Variants in TMSB15B observed in about 807,000 individuals in gnomAD.
TMSB15B encodes the protein thymosin beta-15B.
At chrX:103,948,050 G>A (rs2075029948) in intron 1 of TMSB15B, among the ~76,000 whole-genome samples, 1 of 111,182 alleles carries the variant, frequency 9.0e-6, no homozygotes, top group Non-Finnish European at 1.9e-5. Flanking sequence ...GGAGCGGGGG[G>A]CAAGGGGAGG....
chrX:103,933,834 CTTT>C (rs371065088), intron 1 of TMSB15B, among the ~76,000 whole-genome samples: 1 of 97,243 alleles, frequency 1.0e-5, no homozygotes. Context: ...CTTTTTCTCT[CTTT>C]TTTTTTTTTT....
chrX:103,919,661 G>A (rs1267543388), intron 1 of TMSB15B: 1 of 112,221 alleles, frequency 8.9e-6, no homozygotes, highest in Non-Finnish European at 1.9e-5. Context: ...TATTCTGTTA[G>A]ATTAAGGGAT....
chrX:103,942,413 G>T (rs1556325667), intron 1 of TMSB15B, among the ~76,000 whole-genome samples: 1 of 111,587 alleles, frequency 9.0e-6, no homozygotes, highest in African/African-American at 3.3e-5. Context: ...CAAATATCAA[G>T]TGTTCATATA....
chrX:103,925,412 T>G (rs1408021025), intron 1 of TMSB15B, among the ~76,000 whole-genome samples: 1 of 112,725 alleles, frequency 8.9e-6, no homozygotes, highest in East Asian at 2.8e-4. Context: ...GGTGAGATGT[T>G]TCTCAATTAT....
At chrX:103,947,529 G>T in intron 1 of TMSB15B, among the ~76,000 whole-genome samples, 1 of 111,862 alleles carries the variant, frequency 8.9e-6, no homozygotes, top group Non-Finnish European at 1.9e-5. Flanking sequence ...AAAACATTTT[G>T]AAAATCTGCC....
At chrX:103,940,505 C>T (rs1374617183) in intron 1 of TMSB15B, among the ~76,000 whole-genome samples, 30 of 111,228 alleles carry the variant, frequency 2.7e-4, no homozygotes, top group Non-Finnish European at 4.3e-4. Flanking sequence ...GATCCCCTCT[C>T]CCCCCACCAA....
At chrX:103,946,453 C>T (rs2075025892) in intron 1 of TMSB15B, among the ~76,000 whole-genome samples, 1 of 112,180 alleles carries the variant, frequency 8.9e-6, no homozygotes, top group Non-Finnish European at 1.9e-5. Context: ...TCTTTCCCAA[C>T]AATATTCCAT....
At chrX:103,948,644 G>T (rs1336290935) in intron 1 of TMSB15B, among the ~76,000 whole-genome samples, 1 of 112,517 alleles carries the variant, frequency 8.9e-6, no homozygotes, top group Non-Finnish European at 1.9e-5. Flanking sequence ...AAAATGTTTA[G>T]AAATTCATAA....
intron 1 of TMSB15B, among the ~76,000 whole-genome samples, chrX:103,925,695 C>T (rs1221560621): frequency 8.9e-6 from 1 of 112,197 alleles, no homozygotes; most frequent in Non-Finnish European, 1.9e-5. Context: ...CATACTACCC[C>T]ACTTGCTTCC....
chrX:103,937,824 C>T (rs1274411193), intron 1 of TMSB15B, among the ~76,000 whole-genome samples: 1 of 111,852 alleles, frequency 8.9e-6, no homozygotes, highest in East Asian at 2.8e-4. Flanking sequence ...AAAGTTCCCT[C>T]TACGCATTGC....
chrX:103,930,869 A>G (rs1602436436), intron 1 of TMSB15B: 2 of 111,174 alleles, frequency 1.8e-5, no homozygotes, highest in Middle Eastern at 9.3e-3. Context: ...GATTCACAAT[A>G]TATAACAGTC....
chrX:103,947,873 G>A (rs782401541), intron 1 of TMSB15B, among the ~76,000 whole-genome samples: 2 of 111,734 alleles, frequency 1.8e-5, no homozygotes, highest in Non-Finnish European at 3.8e-5. Flanking sequence ...GCTTATCCTC[G>A]TTCATGTCCT....
At chrX:103,919,520 G>T (rs2074945107) in intron 1 of TMSB15B, 1 of 112,013 alleles carries the variant, frequency 8.9e-6, no homozygotes, top group South Asian at 3.8e-4. Flanking sequence ...CTGTGAAGGA[G>T]GTAGCAGTGT....
intron 1 of TMSB15B, among the ~76,000 whole-genome samples, chrX:103,933,489 C>G (rs1556320300): frequency 3.6e-5 from 4 of 111,532 alleles, no homozygotes; most frequent in Non-Finnish European, 5.6e-5. Flanking sequence ...CTACTCCTCT[C>G]CCCCCGCCAA....
Position 103,940,239 on chromosome X carries a change from G to T in TMSB15B, c.-721+20947G>T, listed in dbSNP as rs188658648. Among the ~76,000 whole-genome samples the T allele has an allele frequency of 2.1e-3, 241 of 112,419 alleles. 2 individuals carry two copies. Among genetic ancestry groups the T allele is most frequent in the Admixed American group, 6.0e-3 (64 of 10,647 alleles). ...CCAGCAGGCAGGAATGTTAAAGTCT[G>T]CTGAAACTGCGCCCACAGCCGCCCC... On this transcript the variant is annotated intron_variant, in intron 1 of 3. Coordinates refer to the TMSB15B transcript ENST00000419165.
intron 1 of TMSB15B, among the ~76,000 whole-genome samples, chrX:103,943,031 A>G (rs1418982135): frequency 9.0e-6 from 1 of 111,632 alleles, no homozygotes; most frequent in Non-Finnish European, 1.9e-5. Context: ...TCAGAAAGTA[A>G]ACAGCAAACC....
intron 1 of TMSB15B, among the ~76,000 whole-genome samples, chrX:103,927,929 A>G (rs1407140294): frequency 8.9e-6 from 1 of 112,292 alleles, no homozygotes; most frequent in Non-Finnish European, 1.9e-5. Flanking sequence ...GTGTGCTTAT[A>G]TATCAGAAAC....
chrX:103,936,186 A>G (rs1408735091), intron 1 of TMSB15B, among the ~76,000 whole-genome samples: 3 of 111,811 alleles, frequency 2.7e-5, no homozygotes, highest in African/African-American at 9.7e-5. Flanking sequence ...AATTCTGTGA[A>G]GAAAGTCAAT....
At chrX:103,952,805 C>A (rs1556328512) in intron 1 of TMSB15B, among the ~76,000 whole-genome samples, 2 of 111,163 alleles carry the variant, frequency 1.8e-5, no homozygotes. Flanking sequence ...TCTTGTCAAC[C>A]CCAAGGGATG....
Sources: allele counts gnomAD v4.1 joint callset (sites outside exome capture counted in the v4.1 genomes callset), GRCh38; gene constraint gnomAD v4.1.1; transcripts MANE v1.5; gene names NCBI Gene and HGNC (gene_info 2026-07-23, HGNC 2026-07-21).